The following COX7C variants were observed in gnomAD, a reference collection of about 807,000 sequenced individuals.
The protein encoded by COX7C is cytochrome c oxidase subunit 7C, mitochondrial.
A neutral mutation model predicts 6.4 loss-of-function variants in COX7C; 1 was observed. The ratio of observed to expected loss-of-function variants is 0.16; its 90% CI spans 0.06 to 0.74. The LOEUF (loss-of-function observed/expected upper bound fraction) is 0.74. Among genes scored for constraint, COX7C ranks in the 30% least tolerant of loss-of-function variants. The pLI, the probability that COX7C is intolerant of heterozygous loss-of-function variation, is 0.78. For synonymous variants in COX7C, 24 were observed against 28.9 expected (o/e 0.83, Z 0.54); for missense variants, 54 against 73.7 (o/e 0.73, Z 0.98).
At chr5:86,620,158 T>G (rs1458264449) in intron 2 of COX7C, 1 of 152,338 alleles carries the variant, frequency 6.6e-6, no homozygotes, top group African/African-American at 2.4e-5. Context: ...ACTCAAACTT[T>G]TAAATATACT....
chr5:86,618,416 A>G (rs1385971762), intron 1 of COX7C: 2 of 431,298 alleles, frequency 4.6e-6, no homozygotes, highest in African/African-American at 4.0e-5. Context: ...CCGGGAGGCC[A>G]CGGCTGTAGG....
At chr5:86,618,439 A>C in intron 1 of COX7C, 1 of 337,442 alleles carries the variant, frequency 3.0e-6, no homozygotes, top group Non-Finnish European at 5.6e-6. Context: ...TGTTGGTTAA[A>C]TCCGAGCTGG....
intron 1 of COX7C, 181 bp downstream of exon 1, chr5:86,618,311 G>T: frequency 1.6e-6 from 1 of 608,670 alleles, no homozygotes. Context: ...CTAGCGCGTA[G>T]CCGCTAAAGG....
Position 86,617,948 on chromosome 5 carries a change from G to A in COX7C, c.-108G>A, listed in dbSNP as rs978841677. ...GCCCCATTTCCCATCTTTCTTTTCA[G>A]TCCTTGCGCACCGGGGAACAAGGTC... On this transcript the variant is annotated 5_prime_UTR_variant, in exon 1 of 3. Transcript: ENST00000247655. 11 of 1,000,232 alleles carry A rather than the reference G, an allele frequency of 1.1e-5. No homozygotes were observed. The Admixed American group carries it at 1.3e-4, about 12-fold the overall frequency. The allele number at this position is 1,000,232 out of a possible 1,614,324, so 62.0% of individuals were successfully genotyped here.
At chr5:86,618,865 C>T (rs1211392527) in intron 1 of COX7C, among the ~76,000 whole-genome samples, 1 of 151,770 alleles carries the variant, frequency 6.6e-6, no homozygotes, top group African/African-American at 2.4e-5. Flanking sequence ...GCCTCTAATC[C>T]CAGCTACTCG....
At position 86,619,338 on chromosome 5, in the gene COX7C, C is replaced by T; in HGVS notation, c.76-15C>T. 1 of 1,526,574 alleles carries T rather than the reference C, an allele frequency of 6.6e-7. No homozygotes were observed. The highest frequency in any genetic ancestry group is 9.1e-7 in the Non-Finnish European group (1 of 1,102,338). 94.6% of individuals were successfully genotyped at this position (1,526,574 alleles called of 1,614,324 possible). On this transcript the variant is annotated splice_polypyrimidine_tract_variant and intron_variant, in intron 1 of 2. Coordinates refer to ENST00000247655, the MANE Select transcript of COX7C (RefSeq NM_001867.3). The stretch of plus-strand genomic sequence containing the variant: ...AGATTCAATTTCGATTACTTTTTCT[C>T]TTTTTTTCCAACAGAATTTGCCATT...
chr5:86,620,627 G>A (rs1239443394), intron 2 of COX7C, 41 bp from the exon 3 acceptor site: 1 of 435,068 alleles, frequency 2.3e-6, no homozygotes. Flanking sequence ...TAAATGAATG[G>A]GATTTTTAAA....
chr5:86,618,171 G>C lies in COX7C; in HGVS notation c.75+41G>C, dbSNP rs199570706. On this transcript the variant is annotated intron_variant, in intron 1 of 2. Coordinates refer to ENST00000247655, the MANE Select transcript of COX7C (RefSeq NM_001867.3). ...GCACGGCTTCGTTGGGGGAGGGGGCGCTTGGCTGTGACTCGCGCACCTGCA... is the reference window on the plus strand; with the variant it reads ...GCACGGCTTCGTTGGGGGAGGGGGCCCTTGGCTGTGACTCGCGCACCTGCA... The C allele has an allele frequency of 5.4e-5, 86 of 1,594,182 alleles. No individual in the cohort carries two copies. The African/African-American group carries it at 1.1e-3, about 20-fold the overall frequency.
At position 86,618,049 on chromosome 5, in the gene COX7C, C is replaced by T. The variant is rs753538587; in HGVS notation, c.-7C>T. The T allele has an allele frequency of 2.5e-6, 4 of 1,613,416 alleles. No homozygotes were observed. The African/African-American group carries it at 5.3e-5, about 22-fold the overall frequency. On this transcript the variant is annotated 5_prime_UTR_variant, in exon 1 of 3. Transcript: ENST00000247655. ...TCTGCGCCTTTCGCAGAGCTTCCAG[C>T]AGCGGTATGTTGGGCCAGAGCATCC...
In COX7C at chr5:86,617,951, C is replaced by T. The variant is rs934726687; in HGVS notation, c.-105C>T. ...CCATTTCCCATCTTTCTTTTCAGTC[C>T]TTGCGCACCGGGGAACAAGGTCGTG... On this transcript the variant is annotated 5_prime_UTR_variant, in exon 1 of 3. Transcript: ENST00000247655. The T allele has an allele frequency of 3.8e-6, 4 of 1,048,422 alleles. No homozygotes were observed. The highest frequency in any genetic ancestry group is 2.4e-5 in the East Asian group (1 of 41,322). 64.9% of individuals were successfully genotyped at this position (1,048,422 alleles called of 1,614,324 possible). A position where few individuals can be genotyped will look rare whatever the true frequency, so the allele number is the denominator to read the frequency against.
intron 1 of COX7C, 93 bp from the exon 2 acceptor site, chr5:86,619,260 T>C: frequency 2.6e-6 from 2 of 779,622 alleles, no homozygotes; most frequent in Non-Finnish European, 4.5e-6. Context: ...TGATGTAAAA[T>C]ATAACTAGCA....
chr5:86,619,728 A>G lies in COX7C; in HGVS notation c.*27+232A>G, dbSNP rs114847788. On this transcript the variant is annotated intron_variant, in intron 2 of 2. Transcript: ENST00000247655. ...CAGGTACACTTTACATCGATATCTC[A>G]TGTTCTCTAGCAAGCTTGTGAGGCG... 4.1e-3 allele frequency: 1,362 copies of G among 329,030 alleles called. 3 individuals carry two copies. Among genetic ancestry groups the G allele is most frequent in the Non-Finnish European group, 6.0e-3 (1,061 of 175,604 alleles). 20.4% of individuals were successfully genotyped at this position (329,030 alleles called of 1,614,324 possible). A position where few individuals can be genotyped will look rare whatever the true frequency, so the allele number is the denominator to read the frequency against.
intron 2 of COX7C, 35 bp downstream of exon 2, chr5:86,619,531 C>A: frequency 1.8e-6 from 2 of 1,087,404 alleles, no homozygotes; most frequent in South Asian, 1.3e-5. Flanking sequence ...TTAAAGCAGG[C>A]CTTTTTATTA....
At position 86,619,351 on chromosome 5, in the gene COX7C, A is replaced by T; in HGVS notation, c.76-2A>T. ...ATTACTTTTTCTCTTTTTTTCCAAC[A>T]GAATTTGCCATTTTCAGTGGAAAAC... On this transcript the variant is annotated splice_acceptor_variant, in intron 1 of 2. Transcript: ENST00000247655. LOFTEE classifies it high-confidence loss of function. 1 of 1,596,440 alleles carries T rather than the reference A, an allele frequency of 6.3e-7. No individual in the cohort carries two copies. The highest frequency in any genetic ancestry group is 1.3e-5 in the African/African-American group (1 of 74,640).
At chr5:86,619,797 C>G (rs1268281252) in intron 2 of COX7C, 1 of 225,562 alleles carries the variant, frequency 4.4e-6, no homozygotes, top group Non-Finnish European at 9.0e-6. Context: ...TTAAGTTGTT[C>G]AACATCTCAT....
chr5:86,618,357 A>T (rs2112176273), intron 1 of COX7C: 1 of 511,658 alleles, frequency 2.0e-6, no homozygotes, highest in East Asian at 3.5e-5. Flanking sequence ...TGCCTCCATC[A>T]GCCACCTGAC....
intron 1 of COX7C, among the ~76,000 whole-genome samples, chr5:86,618,540 A>G (rs941286002): frequency 2.0e-5 from 3 of 152,224 alleles, no homozygotes; most frequent in African/African-American, 7.2e-5. Context: ...CTAGCTGCCT[A>G]AGTTAGAAGT....
chr5:86,618,658 C>G (rs1490448130), intron 1 of COX7C, among the ~76,000 whole-genome samples: 4 of 151,986 alleles, frequency 2.6e-5, no homozygotes, highest in African/African-American at 9.7e-5. Flanking sequence ...GTCATAAAGG[C>G]CAGAGAAGGT....
At chr5:86,620,166 A>G (rs558359198) in intron 2 of COX7C, 4 of 152,330 alleles carry the variant, frequency 2.6e-5, no homozygotes, top group Non-Finnish European at 5.9e-5. Flanking sequence ...TTTTAAATAT[A>G]CTTTCCTCAT....
Sources: allele counts gnomAD v4.1 joint callset (sites outside exome capture counted in the v4.1 genomes callset), GRCh38; gene constraint gnomAD v4.1.1; transcripts MANE v1.5; gene names NCBI Gene and HGNC (gene_info 2026-07-23, HGNC 2026-07-21).